The following SGCE variants were observed in gnomAD, a reference collection of about 807,000 sequenced individuals.
SGCE encodes the protein epsilon-sarcoglycan.
In SGCE, 26 loss-of-function variants were observed where a neutral mutation model predicts 57.8. The observed-to-expected ratio is 0.45, with a 90% CI of 0.33 to 0.62. SGCE has a LOEUF of 0.62. Ranked by LOEUF, SGCE falls within the 20% of genes least tolerant of loss-of-function variation. The pLI, the probability that SGCE is intolerant of heterozygous loss-of-function variation, is 0.02. For synonymous variants in SGCE, 183 were observed against 189.5 expected, an observed-to-expected ratio of 0.97 and a Z score of 0.28; for missense variants, 468 against 548.6, an observed-to-expected ratio of 0.85 and a Z score of 1.47.
chr7:94,594,614 C>T (rs931655644), intron 9 of SGCE: 4 of 152,068 alleles, frequency 2.6e-5, no homozygotes, highest in African/African-American at 9.7e-5. Flanking sequence ...GTCTAGGTAA[C>T]AGTAAAGTAC....
intron 9 of SGCE, among the ~76,000 whole-genome samples, chr7:94,595,945 A>T (rs1798337544): frequency 6.6e-6 from 1 of 152,128 alleles, no homozygotes; most frequent in Admixed American, 6.5e-5. Context: ...GACGCACTTG[A>T]TGATCCTGCA....
chr7:94,629,997 T>C (rs1321843632), intron 1 of SGCE, 156 bp from the exon 2 acceptor site: 5 of 803,884 alleles, frequency 6.2e-6, no homozygotes, highest in African/African-American at 1.8e-5. Flanking sequence ...TAACAATTTG[T>C]TTTAAATGGA....
In SGCE at chr7:94,628,209, A is replaced by G. The variant is rs1804059958; in HGVS notation, c.383T>C (p.Ile128Thr). Residue 128 changes from isoleucine to threonine, a missense_variant, in exon 3 of 11, where the codon ATC (isoleucine) becomes ACC (threonine). Ile to Thr is a moderately conservative substitution (Grantham distance 89). Transcript: ENST00000648936. ...TTTCTAGGTGTAAATTACCTCAATG[A>G]TTGTTGGCTTCCCCACATTTTCAGC... ...PTAENVGKPT[I>T]IEITAYNRRT... 1 of 1,610,810 alleles carries G rather than the reference A, an allele frequency of 6.2e-7. No individual in the cohort carries two copies. Among genetic ancestry groups the G allele is most frequent in the South Asian group, 1.1e-5 (1 of 90,926 alleles).
At chr7:94,621,704 T>A (rs1419727500) in intron 4 of SGCE, 1 of 152,202 alleles carries the variant, frequency 6.6e-6, no homozygotes, top group East Asian at 1.9e-4. Context: ...TAATGATGAA[T>A]TCCTAAGGAG....
intron 6 of SGCE, among the ~76,000 whole-genome samples, chr7:94,602,482 C>G (rs1248261929): frequency 4.0e-5 from 6 of 151,860 alleles, no homozygotes; most frequent in Non-Finnish European, 8.8e-5. Context: ...CAACTTTAAA[C>G]TTAGATCTAA....
chr7:94,621,093 G>T (rs896631343), intron 4 of SGCE: 2 of 152,322 alleles, frequency 1.3e-5, no homozygotes, highest in African/African-American at 4.8e-5. Flanking sequence ...ACAGGAGACA[G>T]CTGGGCAGGG....
At chr7:94,640,239 GAGA>G (rs768883604) in intron 1 of SGCE, among the ~76,000 whole-genome samples, 4 of 152,122 alleles carry the variant, frequency 2.6e-5, no homozygotes, top group Non-Finnish European at 4.4e-5. Context: ...GAAACTATCT[GAGA>G]AGAAGAAGAT....
chr7:94,615,534 C>T (rs1484090542), intron 5 of SGCE, among the ~76,000 whole-genome samples: 1 of 152,124 alleles, frequency 6.6e-6, no homozygotes, highest in African/African-American at 2.4e-5. Flanking sequence ...CATTGACTTC[C>T]ATTCTTTTCC....
At chr7:94,651,205 T>C (rs1466584573) in intron 1 of SGCE, among the ~76,000 whole-genome samples, 1 of 152,248 alleles carries the variant, frequency 6.6e-6, no homozygotes, top group East Asian at 1.9e-4. Context: ...ATGCATTTAC[T>C]ACTATAAAAT....
intron 1 of SGCE, among the ~76,000 whole-genome samples, chr7:94,632,330 A>G (rs1356194600): frequency 6.6e-6 from 1 of 152,070 alleles, no homozygotes; most frequent in East Asian, 1.9e-4. Flanking sequence ...AAGAACTTGC[A>G]TAGAACATCT....
intron 5 of SGCE, among the ~76,000 whole-genome samples, chr7:94,605,381 T>A (rs1405503003): frequency 6.6e-6 from 1 of 152,192 alleles, no homozygotes; most frequent in African/African-American, 2.4e-5. Flanking sequence ...AGATAAAACC[T>A]TTTATTTTTC....
chr7:94,611,824 AT>A (rs1285143466), intron 5 of SGCE, among the ~76,000 whole-genome samples: 1 of 152,204 alleles, frequency 6.6e-6, no homozygotes, highest in African/African-American at 2.4e-5. Flanking sequence ...TCAAATTTAT[AT>A]TAGGATTTAA....
rs117329370 is a variant in SGCE, at chr7:94,653,268, A to G, written c.109+2722T>C. Among the ~76,000 whole-genome samples, 646 of 152,258 alleles carry G rather than the reference A, an allele frequency of 4.2e-3. 6 individuals carry two copies. Among genetic ancestry groups the G allele is most frequent in the Non-Finnish European group, 6.9e-3 (469 of 67,962 alleles). ...AAATCCCACTTTGTTTTGAAATACA[A>G]TTTTCTTAACATACTAGAAGTTAAA... is the stretch of plus-strand genomic sequence containing the variant. On this transcript the variant is annotated intron_variant, in intron 1 of 10. Transcript: ENST00000648936.
intron 5 of SGCE, among the ~76,000 whole-genome samples, chr7:94,609,652 T>A (rs1800701449): frequency 6.6e-6 from 1 of 152,052 alleles, no homozygotes; most frequent in African/African-American, 2.4e-5. Flanking sequence ...GAAAGACAAA[T>A]GAAAACAGTG....
chr7:94,588,585 C>T (rs1443507489), intron 10 of SGCE, 104 bp downstream of exon 10: 10 of 1,550,486 alleles, frequency 6.4e-6, no homozygotes, highest in Admixed American at 1.8e-5. Context: ...AGTGTTTTGC[C>T]TTATTTGGTG....
At chr7:94,622,349 C>A (rs1802924686) in intron 4 of SGCE, 1 of 152,034 alleles carries the variant, frequency 6.6e-6, no homozygotes. Context: ...AACTACAGGC[C>A]AGGTGTGGTG....
intron 3 of SGCE, chr7:94,624,251 T>C: frequency 2.5e-6 from 1 of 397,002 alleles, no homozygotes; most frequent in South Asian, 1.3e-4. Flanking sequence ...GAGGTGACAC[T>C]GAGACAAAAG....
intron 5 of SGCE, among the ~76,000 whole-genome samples, chr7:94,603,679 C>G (rs770778488): frequency 6.6e-6 from 1 of 152,050 alleles, no homozygotes; most frequent in Non-Finnish European, 1.5e-5. Context: ...CAGATACTCT[C>G]TCCATTCTAT....
At chr7:94,620,095 A>G (rs538003611) in intron 4 of SGCE, 1 of 152,312 alleles carries the variant, frequency 6.6e-6, no homozygotes, top group African/African-American at 2.4e-5. Flanking sequence ...ATTTATTTCA[A>G]TAAAATTCAT....
Sources: allele counts gnomAD v4.1 joint callset (sites outside exome capture counted in the v4.1 genomes callset), GRCh38; gene constraint gnomAD v4.1.1; transcripts MANE v1.5; gene names NCBI Gene and HGNC (gene_info 2026-07-23, HGNC 2026-07-21).